COBLL1: variants seen among roughly 807,000 people sequenced by gnomAD.
The protein encoded by COBLL1 is cordon-bleu protein-like 1.
COBLL1 carries 50 observed loss-of-function variants against 94.8 expected under a neutral mutation model. The ratio of observed to expected loss-of-function variants is 0.53; its 90% CI spans 0.42 to 0.67. COBLL1 has a LOEUF of 0.67. COBLL1 is among the 30% of genes least tolerant of loss of function. The pLI, the probability that COBLL1 is intolerant of heterozygous loss-of-function variation, is 0.00. For synonymous variants in COBLL1, 448 were observed against 473.8 expected (o/e 0.95, Z 0.71); for missense variants, 1,362 against 1,348.7 (o/e 1.01, Z -0.15).
intron 2 of COBLL1, among the ~76,000 whole-genome samples, chr2:164,664,536 G>A (rs1270113241): frequency 1.3e-5 from 2 of 152,080 alleles, no homozygotes; most frequent in African/African-American, 4.8e-5. Flanking sequence ...CACAAAATGA[G>A]GGATAATCAA....
chr2:164,665,126 T>C (rs1691134009), intron 2 of COBLL1, among the ~76,000 whole-genome samples: 1 of 151,614 alleles, frequency 6.6e-6, no homozygotes, highest in Non-Finnish European at 1.5e-5. Flanking sequence ...AGGTCAGGAG[T>C]TTGAGACCAG....
chr2:164,828,649 T>C (rs112729557), intron 2 of COBLL1, among the ~76,000 whole-genome samples: 78 of 152,328 alleles, frequency 5.1e-4, no homozygotes, highest in African/African-American at 1.7e-3. Flanking sequence ...AACCATACAG[T>C]AGCCACTACA....
In COBLL1 at chr2:164,692,231, T is replaced by C. The variant is rs1280718141; in HGVS notation, c.3290A>G (p.Lys1097Arg). Residue 1097 changes from lysine to arginine, a missense_variant, in exon 13 of 14, where the codon AAA becomes AGA. By Grantham distance (26) the Lys-to-Arg change is conservative. Transcript: ENST00000652658. ...ATAAAGAAGACTTACCCTTTTCAAT[T>C]TGGCAGCAGCCTCTCCCGAACGGAT... The part of the protein sequence containing the change: ...TAIRSGEAAA[K>R]LKRVTIPSNT... The C allele has an allele frequency of 1.2e-6, 2 of 1,600,788 alleles. No individual in the cohort carries two copies. Among genetic ancestry groups the C allele is most frequent in the Non-Finnish European group, 1.7e-6 (2 of 1,174,946 alleles).
intron 2 of COBLL1, among the ~76,000 whole-genome samples, chr2:164,765,832 CATCTGTAAAATGAAGGGCT>C (rs1212177545): frequency 1.3e-5 from 2 of 152,128 alleles, no homozygotes; most frequent in African/African-American, 2.4e-5. Flanking sequence ...TTTGCCTTTT[CATCTGTAAAATGAAGGGCT>C]ATCTGGAAGA....
At chr2:164,778,059 C>A (rs377472181) in intron 2 of COBLL1, among the ~76,000 whole-genome samples, 1 of 152,150 alleles carries the variant, frequency 6.6e-6, no homozygotes, top group Non-Finnish European at 1.5e-5. Flanking sequence ...GAGTTGCCAA[C>A]AACAGCCACA....
At chr2:164,840,383 G>A (rs1415734401) in intron 2 of COBLL1, among the ~76,000 whole-genome samples, 1 of 151,960 alleles carries the variant, frequency 6.6e-6, no homozygotes, top group Non-Finnish European at 1.5e-5. Flanking sequence ...TAAGACCAAG[G>A]TTATTTTCAG....
At chr2:164,661,884 T>A (rs1472631708) in intron 2 of COBLL1, among the ~76,000 whole-genome samples, 1 of 152,218 alleles carries the variant, frequency 6.6e-6, no homozygotes, top group East Asian at 1.9e-4. Context: ...ATGTTTTTTA[T>A]GGTTATTCAT....
Position 164,700,625 on chromosome 2 carries a change from TTA to T in COBLL1, c.1355_1356del (p.Ile452LysfsTer6). ...GAGTCAGGATCATTTTTCAGTGTATTTATTATATCAGTAGATACAAAAGGAAT... is the reference window on the plus strand; with the variant it reads ...GAGTCAGGATCATTTTTCAGTGTATTTTATATCAGTAGATACAAAAGGAAT... Reference protein sequence around the residue: ...QDIPFVSTDIINTLKNDPDSA... With the variant: ...QDIPFVSTDIXNTLKNDPDSA... On this transcript the variant is annotated frameshift_variant, in exon 10 of 14. Coordinates refer to ENST00000652658, the MANE Select transcript of COBLL1 (RefSeq NM_001365672.2). LOFTEE classifies it high-confidence loss of function. The T allele has an allele frequency of 1.9e-6, 3 of 1,613,042 alleles. No homozygotes were observed. Among genetic ancestry groups the T allele is most frequent in the Non-Finnish European group, 2.5e-6 (3 of 1,179,078 alleles).
chr2:164,835,990 A>C (rs1421220977), intron 2 of COBLL1, among the ~76,000 whole-genome samples: 2 of 152,158 alleles, frequency 1.3e-5, no homozygotes, highest in African/African-American at 2.4e-5. Context: ...GAAGTTTGGC[A>C]TTTATTATTA....
chr2:164,786,079 T>A (rs1044962415), intron 2 of COBLL1, among the ~76,000 whole-genome samples: 2 of 152,202 alleles, frequency 1.3e-5, no homozygotes, highest in Non-Finnish European at 2.9e-5. Flanking sequence ...ATGTATTATA[T>A]AAAACTAATT....
At chr2:164,713,527 G>A (rs1685014375) in intron 7 of COBLL1, among the ~76,000 whole-genome samples, 1 of 152,032 alleles carries the variant, frequency 6.6e-6, no homozygotes, top group Non-Finnish European at 1.5e-5. Context: ...TACCTTTTTG[G>A]TTAATAAAAT....
At chr2:164,752,062 A>T (rs535894311) in intron 2 of COBLL1, among the ~76,000 whole-genome samples, 2 of 152,314 alleles carry the variant, frequency 1.3e-5, no homozygotes, top group East Asian at 3.9e-4. Context: ...GCATATTCAC[A>T]TCAAAGAAGC....
chr2:164,805,365 A>ATATATAT (rs1684093746), intron 2 of COBLL1, among the ~76,000 whole-genome samples: 2 of 115,038 alleles, frequency 1.7e-5, no homozygotes, highest in Non-Finnish European at 3.5e-5. Flanking sequence ...ATATATATAA[A>ATATATAT]ACTAAAGTTC....
intron 2 of COBLL1, among the ~76,000 whole-genome samples, chr2:164,814,974 A>G (rs1312147046): frequency 6.6e-6 from 1 of 152,178 alleles, no homozygotes; most frequent in East Asian, 1.9e-4. Flanking sequence ...CAATTTGATA[A>G]GTTAACTTAC....
At chr2:164,839,441 T>A (rs1574683375) in intron 2 of COBLL1, among the ~76,000 whole-genome samples, 2 of 152,264 alleles carry the variant, frequency 1.3e-5, no homozygotes, top group Middle Eastern at 6.8e-3. Context: ...TAAAATAAAA[T>A]ATCAAGAGTA....
intron 2 of COBLL1, among the ~76,000 whole-genome samples, chr2:164,800,711 C>G (rs1683730514): frequency 6.6e-6 from 1 of 152,072 alleles, no homozygotes; most frequent in African/African-American, 2.4e-5. Context: ...CTACAAAATA[C>G]TACACTTAGC....
chr2:164,824,234 A>G (rs914295293), intron 2 of COBLL1, among the ~76,000 whole-genome samples: 1 of 151,968 alleles, frequency 6.6e-6, no homozygotes, highest in Admixed American at 6.6e-5. Context: ...ATAAAAAATT[A>G]TCTGGGCATG....
chr2:164,749,827 C>T (rs1423882106), intron 2 of COBLL1, among the ~76,000 whole-genome samples: 1 of 152,064 alleles, frequency 6.6e-6, no homozygotes, highest in Non-Finnish European at 1.5e-5. Context: ...TGCCAATAAC[C>T]TATGAGGGTC....
In COBLL1 at chr2:164,671,123, T is replaced by A. The variant is rs369731821; in HGVS notation, n.127-5222A>T. Among the ~76,000 whole-genome samples, 84 of 152,190 alleles carry A rather than the reference T, an allele frequency of 5.5e-4. 1 individual carries two copies. Among genetic ancestry groups the A allele is most frequent in the Non-Finnish European group, 6.5e-4 (44 of 68,034 alleles). Reference sequence around the variant, plus strand: ...TGCAAACCTCTTACTCCTTTCTATATATAATGCTGCCAACACCTTCATCAC... The same window carrying A: ...TGCAAACCTCTTACTCCTTTCTATAAATAATGCTGCCAACACCTTCATCAC... On this transcript the variant is annotated intron_variant and non_coding_transcript_variant, in intron 1 of 2. Coordinates refer to the COBLL1 transcript ENST00000495084.
Sources: allele counts gnomAD v4.1 joint callset (sites outside exome capture counted in the v4.1 genomes callset), GRCh38; gene constraint gnomAD v4.1.1; transcripts MANE v1.5; gene names NCBI Gene and HGNC (gene_info 2026-07-23, HGNC 2026-07-21).